Variants in LINGO2 observed in about 807,000 individuals in gnomAD.
LINGO2 encodes the protein leucine rich repeat and Ig domain containing 2.
A neutral mutation model predicts 30.6 loss-of-function variants in LINGO2; 14 were observed. The ratio of observed to expected loss-of-function variants is 0.46; its 90% CI spans 0.30 to 0.72. LINGO2 has a LOEUF of 0.72. Among genes scored for constraint, LINGO2 ranks in the 30% least tolerant of loss-of-function variants. LINGO2 has a pLI of 0.07. For missense variants in LINGO2, 729 were observed against 751.7 expected, an observed-to-expected ratio of 0.97 and a Z score of 0.35; for synonymous variants, 317 against 288.5, an observed-to-expected ratio of 1.10 and a Z score of -1.00.
chr9:28,707,490 G>A, the LINGO2 span, among the ~76,000 whole-genome samples: 10 of 152,140 alleles, frequency 6.6e-5, no homozygotes, highest in Middle Eastern at 3.4e-3. Context: ...CATCTCATTC[G>A]CTGCACTGGG....
chr9:28,590,787 A>T (rs2135704900), intron 1 of LINGO2, among the ~76,000 whole-genome samples: 1 of 152,278 alleles, frequency 6.6e-6, no homozygotes, highest in Non-Finnish European at 1.5e-5. Flanking sequence ...ATACCATTTG[A>T]CCCAGCCATC....
chr9:28,229,953 C>T (rs1160572578), intron 4 of LINGO2, among the ~76,000 whole-genome samples: 1 of 151,608 alleles, frequency 6.6e-6, no homozygotes, highest in African/African-American at 2.4e-5. Flanking sequence ...CTGATTTGAC[C>T]TAAAGGCAAT....
intron 3 of LINGO2, among the ~76,000 whole-genome samples, chr9:28,362,574 G>A (rs923616509): frequency 1.3e-5 from 2 of 151,796 alleles, no homozygotes; most frequent in African/African-American, 2.4e-5. Flanking sequence ...AGGTTCAAGC[G>A]ATTCTCCAGC....
At chr9:28,643,756 A>C (rs965619184) in intron 1 of LINGO2, among the ~76,000 whole-genome samples, 1 of 152,100 alleles carries the variant, frequency 6.6e-6, no homozygotes, top group Non-Finnish European at 1.5e-5. Flanking sequence ...CAACCCACAG[A>C]ATGGGAGAAG....
chr9:28,567,827 T>TAAA (rs1823463171), intron 1 of LINGO2, among the ~76,000 whole-genome samples: 1 of 140,226 alleles, frequency 7.1e-6, no homozygotes, highest in Non-Finnish European at 1.5e-5. Context: ...ATAAATAAAT[T>TAAA]TATAAGGAGC....
intron 4 of LINGO2, among the ~76,000 whole-genome samples, chr9:28,065,693 G>A (rs907738722): frequency 2.6e-5 from 4 of 151,988 alleles, no homozygotes; most frequent in Non-Finnish European, 5.9e-5. Context: ...GGTCTGCATG[G>A]GTCTGATGCA....
intron 4 of LINGO2, among the ~76,000 whole-genome samples, chr9:28,213,247 G>A (rs951006507): frequency 2.0e-5 from 3 of 151,356 alleles, no homozygotes; most frequent in Non-Finnish European, 4.4e-5. Flanking sequence ...ATTTGTTGGA[G>A]AATCTTCAAT....
the LINGO2 span, among the ~76,000 whole-genome samples, chr9:29,082,910 G>C: frequency 6.6e-6 from 1 of 152,066 alleles, no homozygotes; most frequent in Admixed American, 6.6e-5. Context: ...TTAGAATGGC[G>C]ATCATTAAAA....
At chr9:28,899,174 C>A in the LINGO2 span, among the ~76,000 whole-genome samples, 1 of 152,180 alleles carries the variant, frequency 6.6e-6, no homozygotes, top group Non-Finnish European at 1.5e-5. Context: ...TTTTACATCA[C>A]CCACATTGCC....
intron 4 of LINGO2, among the ~76,000 whole-genome samples, chr9:28,272,662 T>TC (rs549393431): frequency 2.1e-4 from 32 of 152,222 alleles, no homozygotes; most frequent in Non-Finnish European, 7.4e-5. Flanking sequence ...ATTCTTTTTC[T>TC]CCCTACTTCT....
At chr9:28,003,379 A>G (rs1822075214) in intron 5 of LINGO2, among the ~76,000 whole-genome samples, 1 of 141,586 alleles carries the variant, frequency 7.1e-6, no homozygotes, top group South Asian at 2.4e-4. Flanking sequence ...AGATAGATAG[A>G]TAGATATAGA....
the LINGO2 span, among the ~76,000 whole-genome samples, chr9:28,839,594 C>A: frequency 6.6e-6 from 1 of 152,110 alleles, no homozygotes; most frequent in Non-Finnish European, 1.5e-5. Flanking sequence ...CTCCTTTCTG[C>A]AGGCTGGTGG....
chr9:28,491,418 A>C (rs1826390472), intron 1 of LINGO2, among the ~76,000 whole-genome samples: 1 of 152,182 alleles, frequency 6.6e-6, no homozygotes, highest in Non-Finnish European at 1.5e-5. Flanking sequence ...TCTGCATCAC[A>C]GAATCCTTAA....
chr9:28,572,618 G>A (rs1823751563), intron 1 of LINGO2, among the ~76,000 whole-genome samples: 1 of 152,086 alleles, frequency 6.6e-6, no homozygotes, highest in Non-Finnish European at 1.5e-5. Flanking sequence ...ATTTGAAATT[G>A]AAGGATTTAA....
the LINGO2 span, among the ~76,000 whole-genome samples, chr9:28,842,759 G>T: frequency 1.3e-5 from 2 of 151,808 alleles, no homozygotes; most frequent in South Asian, 2.1e-4. Context: ...TCCCATAGTT[G>T]GTAGTTATCC....
At chr9:28,080,189 A>C (rs1825735071) in intron 4 of LINGO2, among the ~76,000 whole-genome samples, 1 of 152,218 alleles carries the variant, frequency 6.6e-6, no homozygotes, top group Non-Finnish European at 1.5e-5. Flanking sequence ...TTGTCTCTTA[A>C]AATACACATC....
chr9:28,654,199 G>T (rs76089910), intron 1 of LINGO2, among the ~76,000 whole-genome samples: 4 of 152,174 alleles, frequency 2.6e-5, no homozygotes, highest in African/African-American at 9.6e-5. Context: ...TAACATATTT[G>T]CTTAGGACAA....
the LINGO2 span, among the ~76,000 whole-genome samples, chr9:28,923,184 C>G: frequency 1.3e-5 from 2 of 152,162 alleles, no homozygotes; most frequent in Admixed American, 6.6e-5. Flanking sequence ...CCCAGGAAAA[C>G]TATTCTTTAT....
chr9:28,455,509 T>G (rs1192839640), intron 2 of LINGO2, among the ~76,000 whole-genome samples: 1 of 152,026 alleles, frequency 6.6e-6, no homozygotes, highest in African/African-American at 2.4e-5. Flanking sequence ...ATAATAAACA[T>G]AGAACGTACA....
Sources: allele counts gnomAD v4.1 joint callset (sites outside exome capture counted in the v4.1 genomes callset), GRCh38; gene constraint gnomAD v4.1.1; transcripts MANE v1.5; gene names NCBI Gene and HGNC (gene_info 2026-07-23, HGNC 2026-07-21).